The following THAP3 variants were observed in gnomAD, a reference collection of about 807,000 sequenced individuals.
THAP3 encodes the protein THAP domain containing 3.
THAP3 carries 12 observed loss-of-function variants against 17.7 expected under a neutral mutation model. That is an observed-to-expected ratio of 0.68 (90% CI 0.43 to 1.10). The LOEUF is 1.10. Among genes scored for constraint, THAP3 ranks in the 50% least tolerant of loss-of-function variants. THAP3 has a pLI of 0.00. For missense variants in THAP3, 289 were observed against 318.0 expected, an observed-to-expected ratio of 0.91 and a Z score of 0.69; for synonymous variants, 133 against 126.9, an observed-to-expected ratio of 1.05 and a Z score of -0.32.
At chr1:6,627,152 T>C (rs1282118876) in intron 2 of THAP3, among the ~76,000 whole-genome samples, 1 of 152,140 alleles carries the variant, frequency 6.6e-6, no homozygotes, top group African/African-American at 2.4e-5. Flanking sequence ...GGATCCTCCT[T>C]ATTTCCAGCA....
rs1230589252 is a variant in THAP3 at position 6,625,092 on chromosome 1, G to T, written c.-69-58G>T. ...GTGGCTGGGATGGCAGGATGAGCGC[G>T]CCCTGGAGGCGAGCCAGGCCCGTCA... On this transcript the variant is annotated intron_variant, in intron 1 of 5. Transcript: ENST00000054650. 13 of 1,072,410 alleles carry T rather than the reference G, an allele frequency of 1.2e-5. No individual in the cohort carries two copies. In the Admixed American group the frequency reaches 1.5e-4, roughly 13 times the overall value. The allele number at this position is 1,072,410 out of a possible 1,614,324, so 66.4% of individuals were successfully genotyped here.
At chr1:6,632,239 G>C (rs1641635922) in intron 4 of THAP3, 152 bp from the exon 5 acceptor site, 1 of 972,206 alleles carries the variant, frequency 1.0e-6, no homozygotes, top group Admixed American at 2.4e-5. Flanking sequence ...TTCAGTTCCA[G>C]GGTGTGTGCT....
At chr1:6,633,595 C>G, downstream of THAP3, 1 of 1,073,588 alleles carries the variant, frequency 9.3e-7, no homozygotes, top group Non-Finnish European at 1.1e-6. Flanking sequence ...TTCTCTAGTG[C>G]CGTGATTCCT....
chr1:6,627,758 T>C (rs1641503235), intron 2 of THAP3: 7 of 152,306 alleles, frequency 4.6e-5, no homozygotes, highest in Admixed American at 4.6e-4. Context: ...TTTTACCATC[T>C]ACAGGCAAAC....
chr1:6,635,424 A>G (rs982829836), downstream of THAP3: 2 of 484,926 alleles, frequency 4.1e-6, no homozygotes, highest in African/African-American at 3.9e-5. Context: ...CCCTCCAGGA[A>G]CTGATCCTTG....
At chr1:6,625,979 C>G (rs937008039) in intron 2 of THAP3, among the ~76,000 whole-genome samples, 3 of 152,174 alleles carry the variant, frequency 2.0e-5, no homozygotes, top group Non-Finnish European at 4.4e-5. Flanking sequence ...AAGTATACAG[C>G]CCAGCGAGTT....
intron 2 of THAP3, among the ~76,000 whole-genome samples, chr1:6,627,556 G>A (rs1183997152): frequency 6.6e-6 from 1 of 152,072 alleles, no homozygotes; most frequent in East Asian, 1.9e-4. Flanking sequence ...GTAGAGATGG[G>A]GTTTCACCAT....
At chr1:6,632,315 A>G (rs1641638367) in intron 4 of THAP3, 76 bp from the exon 5 acceptor site, 9 of 1,588,096 alleles carry the variant, frequency 5.7e-6, no homozygotes, top group Non-Finnish European at 7.7e-6. Context: ...CCACTCCCCT[A>G]GAGGGACAAG....
At chr1:6,626,473 G>C (rs962023351) in intron 2 of THAP3, among the ~76,000 whole-genome samples, 1 of 152,214 alleles carries the variant, frequency 6.6e-6, no homozygotes, top group African/African-American at 2.4e-5. Context: ...TTGAATGCAA[G>C]TGCCAGAATT....
intron 2 of THAP3, among the ~76,000 whole-genome samples, chr1:6,626,794 C>G (rs1015626569): frequency 6.6e-6 from 1 of 152,238 alleles, no homozygotes; most frequent in African/African-American, 2.4e-5. Context: ...TGCAGTGAAC[C>G]GAGATCGCAC....
At chr1:6,634,210 C>A, downstream of THAP3, 1 of 976,966 alleles carries the variant, frequency 1.0e-6, no homozygotes, top group Non-Finnish European at 1.5e-6. Context: ...GCCTTCTGTA[C>A]AGTCGACTGC....
intron 4 of THAP3, 134 bp downstream of exon 4, chr1:6,630,487 T>G: frequency 1.2e-6 from 1 of 812,518 alleles, no homozygotes. Flanking sequence ...TTCCCGGTTT[T>G]TCTGGAGGGA....
chr1:6,632,349 A>C (rs767466043), intron 4 of THAP3, 42 bp from the exon 5 acceptor site: 1 of 1,608,890 alleles, frequency 6.2e-7, no homozygotes, highest in East Asian at 2.2e-5. Context: ...AGGGCCCTGC[A>C]TGTGCAGGGC....
downstream of THAP3, chr1:6,633,900 G>C: frequency 2.3e-6 from 2 of 875,984 alleles, no homozygotes; most frequent in South Asian, 1.7e-5. Flanking sequence ...CTGGGTGACA[G>C]AGCGAGACTC....
Position 6,632,939 on chromosome 1 carries a change from C to T in THAP3, c.582C>T (p.Leu194=). ...DLDSLKKKLF[L]TLKENEKLRK... ...ATTCCCTGAAGAAAAAACTCTTCCT[C>T]ACTCTGAAGGAAAATGAAAAGCTCC... The change falls in exon 6 of 6, where the codon CTC becomes CTT. Residue 194 remains leucine, a synonymous_variant. Transcript: ENST00000054650. 1 of 1,612,962 alleles carries T rather than the reference C, an allele frequency of 6.2e-7. No homozygotes were observed. The highest frequency in any genetic ancestry group is 2.2e-5 in the East Asian group (1 of 44,886).
intron 2 of THAP3, among the ~76,000 whole-genome samples, chr1:6,626,248 C>G (rs928382597): frequency 1.3e-5 from 2 of 152,122 alleles, no homozygotes; most frequent in Non-Finnish European, 2.9e-5. Flanking sequence ...TTCGAGGCTG[C>G]AGTGAGCTAT....
chr1:6,634,007 A>G (rs1243003099), downstream of THAP3: 4 of 1,612,124 alleles, frequency 2.5e-6, no homozygotes, highest in Non-Finnish European at 2.5e-6. Flanking sequence ...CTTGGGGTCT[A>G]TTTATTTCTC....
downstream of THAP3, chr1:6,633,574 CCAT>C (rs918820087): frequency 3.8e-6 from 4 of 1,050,120 alleles, no homozygotes; most frequent in Non-Finnish European, 4.6e-6. Flanking sequence ...GGTGTCGCTC[CCAT>C]CATCATTTTC....
Position 6,632,918 on chromosome 1 carries a change from C to T in THAP3, c.561C>T (p.Ser187=), listed in dbSNP as rs764302060. 1 of 1,612,838 alleles carries T rather than the reference C, an allele frequency of 6.2e-7. No individual in the cohort carries two copies. The highest frequency in any genetic ancestry group is 1.3e-5 in the African/African-American group (1 of 74,954). Residue 187 remains serine, a synonymous_variant, in exon 6 of 6, where the codon TCC becomes TCT. Transcript: ENST00000054650. ...GCTATGCCCTTTTGGACTTAGATTC[C>T]CTGAAGAAAAAACTCTTCCTCACTC... The part of the protein sequence containing the change: ...DHSYALLDLD[S]LKKKLFLTLK...
Sources: allele counts gnomAD v4.1 joint callset (sites outside exome capture counted in the v4.1 genomes callset), GRCh38; gene constraint gnomAD v4.1.1; transcripts MANE v1.5; gene names NCBI Gene and HGNC (gene_info 2026-07-23, HGNC 2026-07-21).